The following JMJD1C variants were observed in gnomAD, a reference collection of about 807,000 sequenced individuals.
The protein encoded by JMJD1C is jumonji domain-containing protein 1C.
JMJD1C carries 31 observed loss-of-function variants against 245.3 expected under a neutral mutation model. The ratio of observed to expected loss-of-function variants is 0.13; its 90% CI spans 0.09 to 0.17. The LOEUF (loss-of-function observed/expected upper bound fraction) is 0.17, where lower values mean the gene tolerates loss of function less well. Ranked by LOEUF, JMJD1C falls within the 10% of genes least tolerant of loss-of-function variation. The pLI is 1.00. For missense variants in JMJD1C, 2,691 were observed against 3,000.2 expected, an observed-to-expected ratio of 0.90 and a Z score of 2.41; for synonymous variants, 1,057 against 1,017.4, an observed-to-expected ratio of 1.04 and a Z score of -0.74.
At chr10:63,514,527 A>T (rs1262398130) in intron 1 of JMJD1C, among the ~76,000 whole-genome samples, 2 of 152,218 alleles carry the variant, frequency 1.3e-5, no homozygotes, top group Non-Finnish European at 2.9e-5. Context: ...TAAGGTAGGA[A>T]CAGAAAACCA....
rs1954518265 is a variant in JMJD1C at position 63,500,690 on chromosome 10, C to A, written n.113+21048G>T. Among the ~76,000 whole-genome samples the A allele has an allele frequency of 2.0e-5, 3 of 151,784 alleles. No individual in the cohort carries two copies. The South Asian group carries it at 6.3e-4, about 32-fold the overall frequency. ...GAGGTTGCAGTGAGCTGAGATCGGG[C>A]CACTGAGCCTGGGCAACAGAGCAAG... On this transcript the variant is annotated intron_variant and non_coding_transcript_variant, in intron 1 of 3. Transcript: ENST00000633035.
At chr10:63,324,246 C>T (rs1453878860) in intron 2 of JMJD1C, among the ~76,000 whole-genome samples, 1 of 151,834 alleles carries the variant, frequency 6.6e-6, no homozygotes, top group Non-Finnish European at 1.5e-5. Flanking sequence ...TGAACCATCA[C>T]AGTCCTCAAC....
At chr10:63,247,496 T>C (rs1182187896) in intron 3 of JMJD1C, among the ~76,000 whole-genome samples, 1 of 151,970 alleles carries the variant, frequency 6.6e-6, no homozygotes, top group Non-Finnish European at 1.5e-5. Context: ...ATCCCAACAC[T>C]TTGAAAGGAC....
Position 63,264,790 on chromosome 10 carries a change from T to C in JMJD1C, c.334-26A>G, listed in dbSNP as rs758124948. On this transcript the variant is annotated intron_variant, in intron 2 of 25. Transcript: ENST00000399262. ...CTGCCAAGAAAAAAAAAATTTCTAA[T>C]GATAATTTTCTGGGTAGTATCCTGA... 3.0e-5 allele frequency: 34 copies of C among 1,116,118 alleles called. No individual in the cohort carries two copies. The East Asian group carries it at 7.6e-4, about 25-fold the overall frequency. The allele number at this position is 1,116,118 out of a possible 1,614,324, so 69.1% of individuals were successfully genotyped here. A position where few individuals can be genotyped will look rare whatever the true frequency, so the allele number is the denominator to read the frequency against.
At chr10:63,325,581 TAAA>T (rs1365705292) in intron 2 of JMJD1C, among the ~76,000 whole-genome samples, 3 of 152,174 alleles carry the variant, frequency 2.0e-5, no homozygotes. Flanking sequence ...ATCTAGAGCC[TAAA>T]AAGAACTTTC....
chr10:63,235,400 G>A (rs953076198), intron 3 of JMJD1C, among the ~76,000 whole-genome samples: 2 of 152,126 alleles, frequency 1.3e-5, no homozygotes, highest in Non-Finnish European at 2.9e-5. Context: ...GGGAGGATGA[G>A]GCAGGAGAAC....
At chr10:63,513,084 A>C (rs1424231763) in intron 1 of JMJD1C, among the ~76,000 whole-genome samples, 1 of 152,074 alleles carries the variant, frequency 6.6e-6, no homozygotes, top group Non-Finnish European at 1.5e-5. Flanking sequence ...CATATTGTCT[A>C]CTTTTTCCTT....
At chr10:63,211,414 C>G (rs1334282782) in intron 8 of JMJD1C, among the ~76,000 whole-genome samples, 3 of 147,356 alleles carry the variant, frequency 2.0e-5, no homozygotes, top group African/African-American at 7.6e-5. Flanking sequence ...TGCAGTGAGC[C>G]AAGACTGTAT....
chr10:63,269,717 T>C (rs1467224385), intron 2 of JMJD1C, among the ~76,000 whole-genome samples: 1 of 152,188 alleles, frequency 6.6e-6, no homozygotes, highest in African/African-American at 2.4e-5. Flanking sequence ...TTTATTTTGG[T>C]AGATTTGAAA....
At chr10:63,482,726 G>T (rs1461324672) in intron 1 of JMJD1C, among the ~76,000 whole-genome samples, 1 of 152,158 alleles carries the variant, frequency 6.6e-6, no homozygotes, top group Non-Finnish European at 1.5e-5. Flanking sequence ...TACTAGCTGT[G>T]TTACCATGCA....
At chr10:63,269,059 G>A in intron 2 of JMJD1C, 1 of 985,396 alleles carries the variant, frequency 1.0e-6, no homozygotes, top group Non-Finnish European at 1.2e-6. Flanking sequence ...CCTCCGATCT[G>A]GGTCAGGATA....
intron 2 of JMJD1C, among the ~76,000 whole-genome samples, chr10:63,284,176 C>A (rs954829400): frequency 6.6e-6 from 1 of 152,018 alleles, no homozygotes; most frequent in Non-Finnish European, 1.5e-5. Flanking sequence ...AGGCGCGCAC[C>A]AACACGCCTG....
chr10:63,465,454 G>A, intron 1 of JMJD1C, 41 bp downstream of exon 1: 4 of 1,537,564 alleles, frequency 2.6e-6, no homozygotes, highest in South Asian at 1.2e-5. Context: ...AGAGCCGGGT[G>A]CGGGCGCGGC....
chr10:63,263,397 C>A (rs543432473), intron 3 of JMJD1C, among the ~76,000 whole-genome samples: 1 of 152,256 alleles, frequency 6.6e-6, no homozygotes, highest in Non-Finnish European at 1.5e-5. Context: ...AATCCATGCA[C>A]AACAAATAAC....
chr10:63,192,352 CCG>C (rs1314372792), intron 16 of JMJD1C, among the ~76,000 whole-genome samples: 2 of 151,642 alleles, frequency 1.3e-5, no homozygotes, highest in African/African-American at 4.8e-5. Flanking sequence ...GATGGATTAC[CCG>C]AAGTCAGGAG....
intron 1 of JMJD1C, among the ~76,000 whole-genome samples, chr10:63,383,030 G>A (rs1273505602): frequency 2.0e-5 from 3 of 151,538 alleles, no homozygotes; most frequent in Non-Finnish European, 4.4e-5. Flanking sequence ...CTCACTTAAG[G>A]TAGAACTGTT....
intron 1 of JMJD1C, among the ~76,000 whole-genome samples, chr10:63,484,146 T>C (rs569636011): frequency 5.3e-5 from 8 of 151,868 alleles, no homozygotes; most frequent in Non-Finnish European, 1.0e-4. Flanking sequence ...TTATATTCAC[T>C]AGCTGGGCAT....
At position 63,502,636 on chromosome 10, in the gene JMJD1C, CAAAA is replaced by C. The variant is rs67729776; in HGVS notation, n.113+19098_113+19101del. Among the ~76,000 whole-genome samples, 48 of 66,212 alleles carry C rather than the reference CAAAA, an allele frequency of 7.2e-4. No individual in the cohort carries two copies. The South Asian group carries it at 0.023, about 32-fold the overall frequency. The allele number at this position is 66,212 out of a possible 152,430, so 43.4% of individuals were successfully genotyped here. ...TGGGTGACAGAGCGAGACTTTGTCT[CAAAA>C]AAAAAAAAAAAAAAAAAAACCTGCC... On this transcript the variant is annotated intron_variant and non_coding_transcript_variant, in intron 1 of 3. Transcript: ENST00000633035.
intron 2 of JMJD1C, among the ~76,000 whole-genome samples, chr10:63,344,498 G>GT (rs1425554063): frequency 6.6e-6 from 1 of 151,980 alleles, no homozygotes; most frequent in African/African-American, 2.4e-5. Context: ...ATGGCTATTC[G>GT]TAAAAGAGAA....
Sources: allele counts gnomAD v4.1 joint callset (sites outside exome capture counted in the v4.1 genomes callset), GRCh38; gene constraint gnomAD v4.1.1; transcripts MANE v1.5; gene names NCBI Gene and HGNC (gene_info 2026-07-23, HGNC 2026-07-21).